ACSM2B: variants seen among roughly 807,000 people sequenced by gnomAD.
ACSM2B encodes acyl-coenzyme A synthetase ACSM2B, mitochondrial.
In ACSM2B, 58 loss-of-function variants were observed where a neutral mutation model predicts 78.6. That is an observed-to-expected ratio of 0.74 (90% CI 0.60 to 0.92). The LOEUF (loss-of-function observed/expected upper bound fraction) is 0.92. Among genes scored for constraint, ACSM2B ranks in the 40% least tolerant of loss-of-function variants. The probability of loss-of-function intolerance (pLI) is 0.00; values close to 1 mark genes in which losing one functional copy is unlikely to be tolerated. For missense variants in ACSM2B, 688 were observed against 711.2 expected, an observed-to-expected ratio of 0.97 and a Z score of 0.37; for synonymous variants, 257 against 256.8, an observed-to-expected ratio of 1.00 and a Z score of -0.01.
rs1007422171 is a variant in ACSM2B at position 20,576,211 on chromosome 16, C to G, written c.-13G>C. The G allele has an allele frequency of 6.6e-6, 1 of 151,734 alleles. No individual in the cohort carries two copies. Among genetic ancestry groups the G allele is most frequent in the African/African-American group, 2.4e-5 (1 of 41,092 alleles). The allele number at this position is 151,734 out of a possible 1,614,324, so 9.4% of individuals were successfully genotyped here. The stretch of plus-strand genomic sequence containing the variant: ...ATTCCTTGAAACAGTGCTCACCTGC[C>G]AAGTCCTCTCAGGATGTCTTTCTGG... On this transcript the variant is annotated 5_prime_UTR_variant, in exon 1 of 14. Transcript: ENST00000329697.
Position 20,555,424 on chromosome 16 carries a change from A to C in ACSM2B, c.441T>G (p.Tyr147Ter). 1.2e-6 allele frequency: 2 copies of C among 1,613,802 alleles called. No individual in the cohort carries two copies. The highest frequency in any genetic ancestry group is 1.7e-6 in the Non-Finnish European group (2 of 1,179,774). ...TIQMKSTDILYRLQMSKAKAI... is the reference protein window; with the variant it reads ...TIQMKSTDIL The stretch of plus-strand genomic sequence containing the variant: ...CCTTGGCCTTAGACATCTGCAACCT[A>C]TACAGTATGTCAGTGGATTTCATCT... Residue 147 changes from tyrosine (Y) to a stop codon, truncating the protein, a stop_gained, in exon 4 of 14, where the codon TAT (tyrosine) becomes TAG (stop). Transcript: ENST00000329697. LOFTEE classifies it high-confidence loss of function.
intron 1 of ACSM2B, among the ~76,000 whole-genome samples, chr16:20,569,907 T>C (rs2016048402): frequency 6.6e-6 from 1 of 151,914 alleles, no homozygotes; most frequent in Admixed American, 6.6e-5. Flanking sequence ...GTACATTAAT[T>C]TTGTGTCCTG....
intron 2 of ACSM2B, among the ~76,000 whole-genome samples, chr16:20,561,695 G>A (rs1276382103): frequency 6.7e-6 from 1 of 149,842 alleles, no homozygotes; most frequent in Non-Finnish European, 1.5e-5. Flanking sequence ...TTTTTTTTTT[G>A]GTTGGATTTG....
rs1364391183 is a variant in ACSM2B, at chr16:20,566,665, T to TATAC, written c.-8-1813_-8-1812insGTAT. 8.3e-4 allele frequency among the ~76,000 whole-genome samples: 35 copies of TATAC among 42,016 alleles called. 1 individual carries two copies. Among genetic ancestry groups the TATAC allele is most frequent in the African/African-American group, 6.1e-3 (35 of 5,734 alleles). The allele number at this position is 42,016 out of a possible 152,430, so 27.6% of individuals were successfully genotyped here. A position where few individuals can be genotyped will look rare whatever the true frequency, so the allele number is the denominator to read the frequency against. ...ATATACTATACTATATATATGTATA[T>TATAC]ATAGTATATACATATAGTATATACT... On this transcript the variant is annotated intron_variant, in intron 1 of 13. Coordinates refer to ENST00000329697, the MANE Select transcript of ACSM2B (RefSeq NM_001105069.2).
intron 1 of ACSM2B, among the ~76,000 whole-genome samples, chr16:20,573,499 A>G (rs1376570812): frequency 1.4e-5 from 2 of 144,488 alleles, no homozygotes; most frequent in Non-Finnish European, 3.0e-5. Context: ...TCTGGCAAAA[A>G]AAGTTCATTG....
intron 6 of ACSM2B, among the ~76,000 whole-genome samples, chr16:20,550,454 T>A (rs1380250623): frequency 2.0e-5 from 3 of 152,190 alleles, no homozygotes; most frequent in Non-Finnish European, 4.4e-5. Context: ...CAACCTATAT[T>A]TTCCTAATGG....
chr16:20,551,414 G>A (rs1293257632), intron 6 of ACSM2B, among the ~76,000 whole-genome samples: 1 of 151,884 alleles, frequency 6.6e-6, no homozygotes, highest in Non-Finnish European at 1.5e-5. Context: ...TAGCATGAGT[G>A]TCTTTATTTT....
intron 13 of ACSM2B, among the ~76,000 whole-genome samples, chr16:20,539,763 A>G (rs1441996245): frequency 6.0e-5 from 9 of 151,014 alleles, no homozygotes; most frequent in Non-Finnish European, 1.2e-4. Flanking sequence ...CTTTGGAGAA[A>G]AACATGCTCA....
At chr16:20,542,034 G>A (rs1226649745) in intron 12 of ACSM2B, 1 of 151,900 alleles carries the variant, frequency 6.6e-6, no homozygotes, top group Non-Finnish European at 1.5e-5. Context: ...ACGCAAATAT[G>A]GTAATTATCA....
chr16:20,545,063 C>A (rs1329936038), intron 10 of ACSM2B, 94 bp downstream of exon 10: 23 of 1,438,776 alleles, frequency 1.6e-5, no homozygotes, highest in Non-Finnish European at 2.1e-5. Context: ...ATATCTAATG[C>A]CTCTTGGAAG....
chr16:20,570,837 T>C (rs1227824728), intron 1 of ACSM2B, among the ~76,000 whole-genome samples: 5 of 151,984 alleles, frequency 3.3e-5, no homozygotes, highest in South Asian at 2.1e-4. Context: ...CCATCTCCTC[T>C]AAGTTTTTTA....
intron 1 of ACSM2B, 64 bp from the exon 2 acceptor site, chr16:20,564,917 C>G (rs537562266): frequency 6.6e-7 from 1 of 1,525,650 alleles, no homozygotes; most frequent in Non-Finnish European, 8.8e-7. Flanking sequence ...TGATCATCAG[C>G]GGCTTCAGGA....
At position 20,563,386 on chromosome 16, in the gene ACSM2B, G is replaced by T. The variant is rs951797860; in HGVS notation, c.177+1283C>A. ...TACAAGCTCACTTTATATTATTAAC[G>T]TTTTTGCTGTTATATGAGTTGAATA... is the stretch of plus-strand genomic sequence containing the variant. On this transcript the variant is annotated intron_variant, in intron 2 of 13. Coordinates refer to ENST00000329697, the MANE Select transcript of ACSM2B (RefSeq NM_001105069.2). 2.6e-4 allele frequency among the ~76,000 whole-genome samples: 40 copies of T among 151,756 alleles called. No individual in the cohort carries two copies. The South Asian group carries it at 3.9e-3, about 15-fold the overall frequency.
intron 13 of ACSM2B, among the ~76,000 whole-genome samples, chr16:20,538,425 A>G (rs2014901172): frequency 6.6e-6 from 1 of 152,204 alleles, no homozygotes; most frequent in Non-Finnish European, 1.5e-5. Flanking sequence ...TGCAACATAG[A>G]CCACATAGCC....
At chr16:20,562,095 A>T (rs183543482) in intron 2 of ACSM2B, among the ~76,000 whole-genome samples, 267 of 152,118 alleles carry the variant, frequency 1.8e-3, no homozygotes, top group African/African-American at 6.3e-3. Flanking sequence ...GAGTGTACAC[A>T]TATTTCTCAG....
chr16:20,546,691 C>T (rs1405898638), intron 8 of ACSM2B: 52 of 742,438 alleles, frequency 7.0e-5, no homozygotes, highest in Non-Finnish European at 2.0e-5. Context: ...ACCCATCTAC[C>T]ACTCCCCAGG....
chr16:20,547,261 G>A, intron 8 of ACSM2B: 1 of 985,248 alleles, frequency 1.0e-6, no homozygotes, highest in Non-Finnish European at 1.2e-6. Context: ...TCCTCTGAAT[G>A]GTGGGAGGCC....
intron 2 of ACSM2B, among the ~76,000 whole-genome samples, chr16:20,560,163 C>T (rs1249053763): frequency 1.3e-5 from 2 of 151,006 alleles, no homozygotes; most frequent in Non-Finnish European, 2.9e-5. Context: ...TACACAATCA[C>T]CTGTCATCCC....
At chr16:20,541,698 T>TTTTTTTTTTTC (rs2014996653) in intron 12 of ACSM2B, 1 of 145,982 alleles carries the variant, frequency 6.9e-6, no homozygotes, top group Non-Finnish European at 1.5e-5. Flanking sequence ...TTTTTTTTTT[T>TTTTTTTTTTTC]TTGAGACAGA....
Sources: gnomAD v4.1 joint callset for allele counts (sites outside exome capture counted in the v4.1 genomes callset) on GRCh38, gnomAD v4.1.1 for gene constraint, MANE v1.5 for transcripts, NCBI Gene and HGNC (gene_info 2026-07-23, HGNC 2026-07-21) for gene names.